The following KLHL32 variants were observed in gnomAD, a reference collection of about 807,000 sequenced individuals.
The protein encoded by KLHL32 is kelch-like protein 32.
A neutral mutation model predicts 64.8 loss-of-function variants in KLHL32; 35 were observed. The observed-to-expected ratio is 0.54, with a 90% CI of 0.41 to 0.72. The LOEUF is 0.72. Among genes scored for constraint, KLHL32 ranks in the 30% least tolerant of loss-of-function variants. The pLI, the probability that KLHL32 is intolerant of heterozygous loss-of-function variation, is 0.00. For missense variants in KLHL32, 589 were observed against 768.5 expected (o/e 0.77, Z 2.76); for synonymous variants, 259 against 281.0 (o/e 0.92, Z 0.78).
At chr6:97,106,291 A>G (rs1405389772) in intron 6 of KLHL32, among the ~76,000 whole-genome samples, 3 of 152,154 alleles carry the variant, frequency 2.0e-5, no homozygotes, top group Non-Finnish European at 4.4e-5. Context: ...TAGCATTTAG[A>G]ATTATACTAT....
At chr6:96,925,987 A>T (rs1287534453) in intron 1 of KLHL32, among the ~76,000 whole-genome samples, 3 of 152,106 alleles carry the variant, frequency 2.0e-5, no homozygotes. Flanking sequence ...TGGGTCCTCT[A>T]CTGGAACACT....
chr6:96,926,912 C>T (rs747893443), intron 1 of KLHL32, among the ~76,000 whole-genome samples: 1 of 152,160 alleles, frequency 6.6e-6, no homozygotes, highest in African/African-American at 2.4e-5. Context: ...TGCTAGTTAG[C>T]AACCCATAAT....
chr6:97,030,169 G>C (rs1459302597), intron 3 of KLHL32, among the ~76,000 whole-genome samples: 1 of 152,182 alleles, frequency 6.6e-6, no homozygotes, highest in Non-Finnish European at 1.5e-5. Context: ...CACATAGTTT[G>C]CCAGGTAAAA....
intron 6 of KLHL32, among the ~76,000 whole-genome samples, chr6:97,099,488 C>G (rs1272266225): frequency 6.6e-6 from 1 of 152,228 alleles, no homozygotes; most frequent in Admixed American, 6.5e-5. Flanking sequence ...CTCAGTGAGG[C>G]TGCAATACAG....
At chr6:96,968,762 C>T (rs1443901243) in intron 2 of KLHL32, among the ~76,000 whole-genome samples, 1 of 152,078 alleles carries the variant, frequency 6.6e-6, no homozygotes, top group African/African-American at 2.4e-5. Context: ...TCCTGAAAAG[C>T]TCTGTTTGCC....
intron 6 of KLHL32, among the ~76,000 whole-genome samples, chr6:97,098,144 T>C (rs1795237999): frequency 6.6e-6 from 1 of 152,158 alleles, no homozygotes; most frequent in South Asian, 2.1e-4. Context: ...CTAAAAACGA[T>C]ACAGACATCT....
chr6:96,935,731 A>G (rs1224417578), intron 1 of KLHL32, among the ~76,000 whole-genome samples: 1 of 152,240 alleles, frequency 6.6e-6, no homozygotes, highest in Non-Finnish European at 1.5e-5. Flanking sequence ...TCCAGTGACC[A>G]AATGTGCAGA....
At chr6:96,963,434 T>C (rs1774094671) in intron 1 of KLHL32, among the ~76,000 whole-genome samples, 2 of 152,184 alleles carry the variant, frequency 1.3e-5, no homozygotes, top group South Asian at 4.1e-4. Context: ...AAAAAGAAAT[T>C]ATGAAAATGT....
intron 5 of KLHL32, among the ~76,000 whole-genome samples, chr6:97,070,025 G>A (rs74457611): frequency 0.064 from 9,676 of 151,846 alleles, 709 homozygotes; most frequent in Admixed American, 0.2. Context: ...TTCTCCTCAA[G>A]ATTGAGGAGA....
At chr6:97,095,176 G>T (rs958842711) in intron 6 of KLHL32, among the ~76,000 whole-genome samples, 7 of 152,144 alleles carry the variant, frequency 4.6e-5, no homozygotes, top group Non-Finnish European at 2.9e-5. Context: ...CAGAAAGGAC[G>T]ATGCTTAGTT....
intron 3 of KLHL32, among the ~76,000 whole-genome samples, chr6:97,011,816 T>C (rs919307934): frequency 3.0e-4 from 45 of 152,346 alleles, no homozygotes; most frequent in African/African-American, 1.0e-3. Flanking sequence ...TAATGATTGT[T>C]ATTCAAGCTG....
intron 10 of KLHL32, among the ~76,000 whole-genome samples, chr6:97,133,014 G>A (rs1799611208): frequency 1.3e-5 from 2 of 152,230 alleles, no homozygotes; most frequent in South Asian, 2.1e-4. Context: ...CTGGGATAGC[G>A]TTCCCTTTCT....
intron 3 of KLHL32, among the ~76,000 whole-genome samples, chr6:96,992,917 A>G (rs1778046514): frequency 6.6e-6 from 1 of 152,230 alleles, no homozygotes; most frequent in South Asian, 2.1e-4. Flanking sequence ...TTTCCACTTA[A>G]GCTGTGTGCT....
chr6:97,018,231 G>T (rs1781497432), intron 3 of KLHL32, among the ~76,000 whole-genome samples: 1 of 152,076 alleles, frequency 6.6e-6, no homozygotes, highest in Admixed American at 6.6e-5. Flanking sequence ...CACAACAGAA[G>T]ATGACAGATA....
At chr6:96,936,109 G>C (rs2127994814) in intron 1 of KLHL32, among the ~76,000 whole-genome samples, 1 of 152,326 alleles carries the variant, frequency 6.6e-6, no homozygotes, top group East Asian at 1.9e-4. Context: ...GGGGCCAGCA[G>C]TAGGACCTTT....
intron 3 of KLHL32, among the ~76,000 whole-genome samples, chr6:97,022,049 G>C (rs1307707534): frequency 6.6e-6 from 1 of 150,870 alleles, no homozygotes; most frequent in Admixed American, 6.6e-5. Flanking sequence ...TTTGCCTGGA[G>C]TTTTGCAGTA....
chr6:97,052,674 G>A (rs1030247747), intron 4 of KLHL32, among the ~76,000 whole-genome samples: 1 of 152,122 alleles, frequency 6.6e-6, no homozygotes, highest in Non-Finnish European at 1.5e-5. Context: ...CTCCTGGGAG[G>A]ACCAGAAATA....
chr6:97,105,630 A>G (rs917882858), intron 6 of KLHL32: 11 of 392,722 alleles, frequency 2.8e-5, no homozygotes, highest in Non-Finnish European at 5.7e-5. Context: ...TAGGAACATA[A>G]TAATAGCTGC....
At chr6:97,056,161 A>G (rs1482046775) in intron 4 of KLHL32, among the ~76,000 whole-genome samples, 3 of 132,800 alleles carry the variant, frequency 2.3e-5, no homozygotes, top group South Asian at 2.3e-4. Context: ...GCTGGAGTGC[A>G]GTGGCACGAT....
Sources: gnomAD v4.1 joint callset for allele counts (sites outside exome capture counted in the v4.1 genomes callset) on GRCh38, gnomAD v4.1.1 for gene constraint, MANE v1.5 for transcripts, NCBI Gene and HGNC (gene_info 2026-07-23, HGNC 2026-07-21) for gene names.